The following AGTPBP1 variants were observed in gnomAD, a reference collection of about 807,000 sequenced individuals.
The protein encoded by AGTPBP1 is cytosolic carboxypeptidase 1.
Under a neutral mutation model 143.9 loss-of-function variants are expected in AGTPBP1, and 70 were observed. That is an observed-to-expected ratio of 0.49 (90% CI 0.40 to 0.59). The LOEUF is 0.59. Among genes scored for constraint, AGTPBP1 ranks in the 20% least tolerant of loss-of-function variants. AGTPBP1 has a pLI of 0.00. For missense variants in AGTPBP1, 1,229 were observed against 1,464.5 expected, an observed-to-expected ratio of 0.84 and a Z score of 2.62; for synonymous variants, 463 against 500.2, an observed-to-expected ratio of 0.93 and a Z score of 0.99.
At chr9:85,776,723 G>A in the AGTPBP1 span, among the ~76,000 whole-genome samples, 1 of 152,138 alleles carries the variant, frequency 6.6e-6, no homozygotes, top group Non-Finnish European at 1.5e-5. Flanking sequence ...TTAACTTTCA[G>A]TTTAATGGAA....
intron 6 of AGTPBP1, among the ~76,000 whole-genome samples, chr9:85,673,847 G>A (rs928742541): frequency 4.6e-5 from 7 of 151,902 alleles, no homozygotes; most frequent in Admixed American, 2.0e-4. Context: ...AAGGCAGGGC[G>A]CGGTGGCTCA....
At chr9:85,617,584 A>G (rs540350014) in intron 17 of AGTPBP1, among the ~76,000 whole-genome samples, 70 of 152,290 alleles carry the variant, frequency 4.6e-4, no homozygotes, top group African/African-American at 1.4e-3. Context: ...GAATGAGCCT[A>G]TATTTTTAAG....
chr9:85,573,098 C>T (rs1488232978), intron 25 of AGTPBP1, among the ~76,000 whole-genome samples: 1 of 152,012 alleles, frequency 6.6e-6, no homozygotes, highest in Non-Finnish European at 1.5e-5. Context: ...CCCTCCCCCT[C>T]CCCTTCCCCA....
rs1359986137 is a variant in AGTPBP1, at chr9:85,731,245, T to A, written c.-34+10530A>T. ...TATCACTCCTGTTATGCCTAACTGC[T>A]ATTTTGAAACTTAGCCTACTATGAG... On this transcript the variant is annotated intron_variant, in intron 1 of 25. Transcript: ENST00000357081. 3.3e-5 allele frequency among the ~76,000 whole-genome samples: 5 copies of A among 152,344 alleles called. No individual in the cohort carries two copies. In the South Asian group the frequency reaches 1.0e-3, roughly 32 times the overall value.
At chr9:85,571,711 T>A (rs901212480) in intron 25 of AGTPBP1, among the ~76,000 whole-genome samples, 1 of 152,158 alleles carries the variant, frequency 6.6e-6, no homozygotes, top group African/African-American at 2.4e-5. Context: ...TAAGATGCAA[T>A]GAGAAGCACA....
the AGTPBP1 span, among the ~76,000 whole-genome samples, chr9:85,768,840 G>C: frequency 1.3e-5 from 2 of 151,370 alleles, no homozygotes; most frequent in Admixed American, 6.6e-5. Flanking sequence ...CTGAAGTCAG[G>C]AGTTCCAAGA....
intron 22 of AGTPBP1, 68 bp from the exon 23 acceptor site, chr9:85,585,662 T>C: frequency 7.7e-7 from 1 of 1,301,410 alleles, no homozygotes; most frequent in South Asian, 1.8e-5. Context: ...AGGTAGTTAA[T>C]ATCAAGCCAA....
chr9:85,649,503 C>T (rs1334645529), intron 11 of AGTPBP1, among the ~76,000 whole-genome samples: 2 of 152,134 alleles, frequency 1.3e-5, no homozygotes, highest in Non-Finnish European at 2.9e-5. Context: ...TCTATATAGA[C>T]AGTAATATCC....
Position 85,547,241 on chromosome 9 carries a change from T to C in AGTPBP1, c.3549A>G (p.Glu1183=), listed in dbSNP as rs771315001. 7 of 1,613,194 alleles carry C rather than the reference T, an allele frequency of 4.3e-6. No homozygotes were observed. Among genetic ancestry groups the C allele is most frequent in the Non-Finnish European group, 5.9e-6 (7 of 1,179,732 alleles). ...TACTTTCTGCACTGTAATCAACTTCTTCAAGGAATCGAGGTTCATCTTCAT... is the reference window on the plus strand; with the variant it reads ...TACTTTCTGCACTGTAATCAACTTCCTCAAGGAATCGAGGTTCATCTTCAT... ...VLDEDEPRFL[E]EVDYSAESND... The change falls in exon 26 of 26, where the codon GAA becomes GAG. Residue 1183 remains glutamate (E), a synonymous_variant. Transcript: ENST00000357081.
intron 19 of AGTPBP1, 83 bp from the exon 20 acceptor site, chr9:85,589,764 A>T (rs971116900): frequency 7.7e-7 from 1 of 1,300,468 alleles, no homozygotes; most frequent in African/African-American, 1.5e-5. Context: ...AGATCTCCAC[A>T]TAACTAGAAG....
At chr9:85,641,550 G>T (rs985272342) in intron 13 of AGTPBP1, among the ~76,000 whole-genome samples, 2 of 151,886 alleles carry the variant, frequency 1.3e-5, no homozygotes, top group African/African-American at 4.8e-5. Context: ...CAAATCTAGG[G>T]GGAATACCAA....
At chr9:85,705,416 C>A (rs779531024) in intron 2 of AGTPBP1, among the ~76,000 whole-genome samples, 3 of 152,064 alleles carry the variant, frequency 2.0e-5, no homozygotes, top group Non-Finnish European at 4.4e-5. Flanking sequence ...GTGGCTCACA[C>A]CGGTAATCCC....
At chr9:85,655,353 GT>G in intron 10 of AGTPBP1, 33 bp from the exon 11 acceptor site, 1 of 1,462,644 alleles carries the variant, frequency 6.8e-7, no homozygotes, top group Admixed American at 2.8e-5. Context: ...GAAAAAGAAT[GT>G]TTTTGATGAA....
At chr9:85,742,129 G>A (rs1175036068), upstream of AGTPBP1, 5 of 846,434 alleles carry the variant, frequency 5.9e-6, no homozygotes, top group South Asian at 2.3e-4. Flanking sequence ...GCTGCGCCCC[G>A]CCTCTCTGCG....
At chr9:85,626,809 T>C (rs745616388) in intron 14 of AGTPBP1, among the ~76,000 whole-genome samples, 5 of 152,220 alleles carry the variant, frequency 3.3e-5, no homozygotes, top group Admixed American at 6.5e-5. Context: ...TCCAACAAAG[T>C]GTTATTTGTG....
chr9:85,781,210 G>A, the AGTPBP1 span: 2 of 1,502,526 alleles, frequency 1.3e-6, no homozygotes, highest in African/African-American at 2.9e-5. Context: ...AGAACAAGAT[G>A]GAGAAGGCAT....
chr9:85,572,002 GTGTTTTTTTTTTTTTTTTT>G (rs1827506045), intron 25 of AGTPBP1, among the ~76,000 whole-genome samples: 1 of 85,288 alleles, frequency 1.2e-5, no homozygotes, highest in African/African-American at 3.6e-5. Flanking sequence ...TTGTTTGTGT[GTGTTTTTTTTTTTTTTTTT>G]TTTTTTTTTT....
At chr9:85,654,721 T>TG (rs1833385545) in intron 11 of AGTPBP1, among the ~76,000 whole-genome samples, 1 of 151,954 alleles carries the variant, frequency 6.6e-6, no homozygotes. Flanking sequence ...CACAGGCCTG[T>TG]GATCCTGGCT....
rs267602296 is a variant in AGTPBP1, at chr9:85,592,700, G to C, written c.2428C>G (p.His810Asp). The C allele has an allele frequency of 6.2e-7, 1 of 1,609,672 alleles. No homozygotes were observed. Among genetic ancestry groups the C allele is most frequent in the Non-Finnish European group, 8.5e-7 (1 of 1,178,426 alleles). Residue 810 changes from histidine to aspartate, a missense_variant, in exon 19 of 26, where the codon CAT becomes GAT. Around this residue, in one of 2 missense-constraint regions of AGTPBP1, gnomAD observed 486 missense variants for 652.3 expected, o/e 0.75. Coordinates refer to ENST00000357081, the MANE Select transcript of AGTPBP1 (RefSeq NM_001330701.2). Reference sequence around the variant, plus strand: ...GCAGCAACTGAACTTCTTGAGAAATGATTTCTGCAATAAAAACGCATAAAA... The same window carrying C: ...GCAGCAACTGAACTTCTTGAGAAATCATTTCTGCAATAAAAACGCATAAAA... Reference protein sequence around the residue: ...MGTDICYYKNHFSRSSVAAGG... With the variant: ...MGTDICYYKNDFSRSSVAAGG...
Sources: gnomAD v4.1 joint callset for allele counts (sites outside exome capture counted in the v4.1 genomes callset) on GRCh38, gnomAD v4.1.1 for gene constraint, gnomAD v4.1.1 regional missense constraint, MANE v1.5 for transcripts, NCBI Gene and HGNC (gene_info 2026-07-23, HGNC 2026-07-21) for gene names.